The following YIPF1 variants were observed in gnomAD, a reference collection of about 807,000 sequenced individuals.
YIPF1 encodes protein YIPF1.
Under a neutral mutation model 37.0 loss-of-function variants are expected in YIPF1, and 22 were observed. That is an observed-to-expected ratio of 0.59 (90% CI 0.42 to 0.85). The LOEUF (loss-of-function observed/expected upper bound fraction) is 0.85, where lower values mean the gene tolerates loss of function less well. YIPF1 is among the 40% of genes least tolerant of loss of function. The pLI is 0.00. For missense variants in YIPF1, 355 were observed against 373.1 expected (o/e 0.95, Z 0.40); for synonymous variants, 128 against 131.9 (o/e 0.97, Z 0.21).
intron 7 of YIPF1, 28 bp from the exon 8 acceptor site, chr1:53,866,952 T>C (rs1164792610): frequency 7.5e-6 from 12 of 1,593,032 alleles, no homozygotes; most frequent in Non-Finnish European, 1.0e-5. Context: ...CAAGTTTCAA[T>C]CTCCATCATG....
chr1:53,872,005 AGT>A (rs56411256), intron 6 of YIPF1, among the ~76,000 whole-genome samples: 21,059 of 143,720 alleles, frequency 0.15, 1,512 homozygotes, highest in South Asian at 0.25. Context: ...GTTGAGTGTC[AGT>A]GTGTGTGTGT....
At chr1:53,862,097 T>C (rs951162755) in intron 9 of YIPF1, among the ~76,000 whole-genome samples, 5 of 152,170 alleles carry the variant, frequency 3.3e-5, no homozygotes, top group Non-Finnish European at 7.3e-5. Context: ...TTAATAACAA[T>C]CACAGCCATC....
At chr1:53,871,307 G>T in intron 7 of YIPF1, 65 bp downstream of exon 7, 2 of 1,448,794 alleles carry the variant, frequency 1.4e-6, no homozygotes, top group Non-Finnish European at 1.9e-6. Flanking sequence ...CAGGAGCTCA[G>T]TGGGTAAAAA....
At chr1:53,875,212 G>A (rs1033655333) in intron 6 of YIPF1, among the ~76,000 whole-genome samples, 2 of 152,114 alleles carry the variant, frequency 1.3e-5, no homozygotes, top group African/African-American at 2.4e-5. Flanking sequence ...CATGAAATCT[G>A]ACTTAGAGTA....
chr1:53,861,354 C>T (rs1332418210), intron 9 of YIPF1, among the ~76,000 whole-genome samples: 2 of 152,032 alleles, frequency 1.3e-5, no homozygotes, highest in Non-Finnish European at 2.9e-5. Context: ...GCCACAAGCC[C>T]CCAGGATGCA....
chr1:53,856,616 C>A (rs1370071443), intron 10 of YIPF1, among the ~76,000 whole-genome samples: 2 of 152,188 alleles, frequency 1.3e-5, no homozygotes, highest in Non-Finnish European at 2.9e-5. Context: ...ACCTTTATGA[C>A]CCAGTTCAAA....
intron 3 of YIPF1, among the ~76,000 whole-genome samples, chr1:53,887,732 C>T (rs1184558113): frequency 6.6e-6 from 1 of 152,160 alleles, no homozygotes; most frequent in Non-Finnish European, 1.5e-5. Context: ...AGCTGTGATA[C>T]CAGACTGGAT....
chr1:53,866,546 G>A (rs557413224), intron 8 of YIPF1, among the ~76,000 whole-genome samples, 164 bp from the exon 9 acceptor site: 1 of 152,154 alleles, frequency 6.6e-6, no homozygotes, highest in Non-Finnish European at 1.5e-5. Flanking sequence ...GTAGACTGAG[G>A]CATATGCTTT....
At chr1:53,866,613 GC>G in intron 8 of YIPF1, 144 bp downstream of exon 8, 1 of 1,144,260 alleles carries the variant, frequency 8.7e-7, no homozygotes. Flanking sequence ...CCCCTTTCAT[GC>G]TTAACTTCTA....
rs749418487 is a variant in YIPF1 at position 53,883,162 on chromosome 1, C to T, written c.146G>A (p.Arg49Lys). ...HQPGSPRGSG[R>K]EEDDELLGND... Reference sequence around the variant, plus strand: ...TCCCAGTAACTCATCATCTTCTTCTCTTCCTGAGCCTCTTGGGGATCCTGG... The same window carrying T: ...TCCCAGTAACTCATCATCTTCTTCTTTTCCTGAGCCTCTTGGGGATCCTGG... Residue 49 changes from arginine to lysine, a missense_variant, in exon 4 of 11, where the codon AGA becomes AAA. Transcript: ENST00000072644. 2 of 1,602,748 alleles carry T rather than the reference C, an allele frequency of 1.2e-6. No homozygotes were observed. The highest frequency in any genetic ancestry group is 1.1e-5 in the South Asian group (1 of 88,788).
At chr1:53,885,331 T>C (rs1290473892) in intron 3 of YIPF1, among the ~76,000 whole-genome samples, 1 of 152,096 alleles carries the variant, frequency 6.6e-6, no homozygotes, top group Admixed American at 6.6e-5. Flanking sequence ...AAGCAGTAGT[T>C]AAAATAACTA....
At chr1:53,854,853 C>CTGGG (rs1352115052) in intron 10 of YIPF1, 4 of 152,060 alleles carry the variant, frequency 2.6e-5, no homozygotes, top group African/African-American at 9.7e-5. Context: ...CAAGTGTCTG[C>CTGGG]TGGGTGCTAG....
intron 6 of YIPF1, 42 bp downstream of exon 6, chr1:53,878,273 A>G (rs766484766): frequency 1.9e-6 from 3 of 1,599,846 alleles, no homozygotes; most frequent in Non-Finnish European, 2.6e-6. Context: ...CACTCACCCA[A>G]GTTCAACTGA....
chr1:53,888,934 C>T lies in YIPF1; in HGVS notation c.4G>A (p.Ala2Thr). The change falls in exon 3 of 11, where the codon GCA (alanine) becomes ACA (threonine). Residue 2 changes from alanine (A) to threonine (T), a missense_variant. By Grantham distance (58) the Ala-to-Thr change is moderately conservative. Transcript: ENST00000072644. Reference sequence around the variant, plus strand: ...TCAAATTGCAAGTCATCTACTGCTGCCATTCGGCCAGTGAGTCTTCTCCCA... The same window carrying T: ...TCAAATTGCAAGTCATCTACTGCTGTCATTCGGCCAGTGAGTCTTCTCCCA... Reference protein sequence around the residue: MAAVDDLQFEEF... With the variant: MTAVDDLQFEEF... The T allele has an allele frequency of 6.3e-7, 1 of 1,596,780 alleles. No individual in the cohort carries two copies. Among genetic ancestry groups the T allele is most frequent in the Non-Finnish European group, 8.6e-7 (1 of 1,165,884 alleles).
intron 7 of YIPF1, among the ~76,000 whole-genome samples, chr1:53,868,642 A>T (rs7526784): frequency 0.38 from 58,210 of 152,010 alleles, 11,366 homozygotes; most frequent in East Asian, 0.57. Context: ...TTGTTTGGTC[A>T]AGGTCACATA....
chr1:53,862,645 C>T (rs1018006063), intron 9 of YIPF1, among the ~76,000 whole-genome samples: 4 of 152,106 alleles, frequency 2.6e-5, no homozygotes, highest in Non-Finnish European at 5.9e-5. Context: ...ATCCGTGTTC[C>T]CCAGGGGAGA....
chr1:53,869,330 TTGTG>T (rs140880938), intron 7 of YIPF1, among the ~76,000 whole-genome samples: 1,560 of 151,542 alleles, frequency 0.01, 18 homozygotes, highest in African/African-American at 0.025. Context: ...GCACATATTT[TTGTG>T]TGTGTGTGTG....
At chr1:53,878,578 T>C in intron 5 of YIPF1, 64 bp downstream of exon 5, 1 of 1,552,648 alleles carries the variant, frequency 6.4e-7, no homozygotes, top group East Asian at 2.2e-5. Flanking sequence ...TATTTGGTTG[T>C]TCAACCATTA....
intron 3 of YIPF1, among the ~76,000 whole-genome samples, chr1:53,884,626 C>T (rs901767402): frequency 1.3e-5 from 2 of 152,198 alleles, no homozygotes; most frequent in African/African-American, 4.8e-5. Context: ...TTAAGATGAA[C>T]ACCTATCAGT....
Sources: allele counts gnomAD v4.1 joint callset (sites outside exome capture counted in the v4.1 genomes callset), GRCh38; gene constraint gnomAD v4.1.1; transcripts MANE v1.5; gene names NCBI Gene and HGNC (gene_info 2026-07-23, HGNC 2026-07-21).